CLK3: variants seen among roughly 807,000 people sequenced by gnomAD.
CLK3 encodes CDC like kinase 3, also known as dual specificity protein kinase CLK3.
In CLK3, 24 loss-of-function variants were observed where a neutral mutation model predicts 65.2. The ratio of observed to expected loss-of-function variants is 0.37; its 90% CI spans 0.27 to 0.52. The LOEUF is 0.52. Among genes scored for constraint, CLK3 ranks in the 20% least tolerant of loss-of-function variants. The pLI is 0.92. For synonymous variants in CLK3, 252 were observed against 240.8 expected (o/e 1.05, Z -0.43); for missense variants, 506 against 660.0 (o/e 0.77, Z 2.56).
intron 1 of CLK3, chr15:74,608,434 A>C (rs559956228): frequency 6.6e-6 from 1 of 152,430 alleles, no homozygotes; most frequent in South Asian, 2.1e-4. Flanking sequence ...CAGGTACAGC[A>C]TGGACCCCAG....
upstream of CLK3, chr15:74,615,784 G>A (rs1462276711): frequency 8.0e-7 from 1 of 1,243,558 alleles, no homozygotes; most frequent in South Asian, 3.4e-5. Context: ...CGAGGCTGGC[G>A]ACGGCTGCGT....
chr15:74,610,569 C>T (rs1479663406), intron 1 of CLK3, among the ~76,000 whole-genome samples: 4 of 152,252 alleles, frequency 2.6e-5, no homozygotes, highest in Non-Finnish European at 4.4e-5. Flanking sequence ...GGACCCATGC[C>T]CTGGCTTATA....
upstream of CLK3, chr15:74,613,295 T>TA (rs1409118328): frequency 2.0e-5 from 3 of 152,002 alleles, no homozygotes; most frequent in Non-Finnish European, 4.4e-5. Context: ...TGAGATATGC[T>TA]ACAGACCTCA....
Position 74,629,977 on chromosome 15 carries a change from CA to C in CLK3, c.*95del, listed in dbSNP as rs1034632334. On this transcript the variant is annotated 3_prime_UTR_variant, in exon 13 of 13. Coordinates refer to ENST00000395066, the MANE Select transcript of CLK3 (RefSeq NM_001130028.2). ...CGACCGCCAGGCCCCAGGCCAGAGC[CA>C]CCCAATGAACAGTGCAATGTGAAGG... is the stretch of plus-strand genomic sequence containing the variant. The C allele has an allele frequency of 2.0e-5, 26 of 1,270,560 alleles. No homozygotes were observed. Among genetic ancestry groups the C allele is most frequent in the Non-Finnish European group, 2.5e-5 (23 of 914,396 alleles). 78.7% of individuals were successfully genotyped at this position (1,270,560 alleles called of 1,614,324 possible).
rs368932022 is a variant in CLK3 at position 74,624,456 on chromosome 15, C to T, written c.534-446C>T. The T allele has an allele frequency of 5.8e-6, 1 of 171,076 alleles. No individual in the cohort carries two copies. Among genetic ancestry groups the T allele is most frequent in the African/African-American group, 2.4e-5 (1 of 42,320 alleles). 10.6% of individuals were successfully genotyped at this position (171,076 alleles called of 1,614,324 possible). ...CAGATCTTTACTCGATCCTGGAACC[C>T]CCATCCCTGTTTGCTCAGACTTGCA... On this transcript the variant is annotated intron_variant, in intron 5 of 12. Coordinates refer to ENST00000395066, the MANE Select transcript of CLK3 (RefSeq NM_001130028.2). The surrounding 1 kb of genome is among the most constrained non-coding windows in gnomAD (Gnocchi z 4.2).
chr15:74,624,532 AGCC>A lies in CLK3; in HGVS notation c.534-369_534-367del. The A allele has an allele frequency of 5.3e-6, 1 of 187,346 alleles. No individual in the cohort carries two copies. Among genetic ancestry groups the A allele is most frequent in the Non-Finnish European group, 1.1e-5 (1 of 92,486 alleles). The allele number at this position is 187,346 out of a possible 1,614,324, so 11.6% of individuals were successfully genotyped here. On this transcript the variant is annotated intron_variant, in intron 5 of 12. Coordinates refer to ENST00000395066, the MANE Select transcript of CLK3 (RefSeq NM_001130028.2). This position sits in a 1 kb window ranked among gnomAD's most constrained non-coding sequence, Gnocchi z 4.2. ...GCCGCAGGAGGGTTCTCGGTGGGACAGCCTGGCCAGGGTTGGGGCTGCCTGGCC... is the reference window on the plus strand; with the variant it reads ...GCCGCAGGAGGGTTCTCGGTGGGACATGGCCAGGGTTGGGGCTGCCTGGCC...
chr15:74,622,871 C>T lies in CLK3; in HGVS notation c.533+311C>T, dbSNP rs2062114582. ...TCAGAACAGGGCCAAGGCCCCGGCT[C>T]CCCTGTGGCTTGGAGCTGCTTCCTG... On this transcript the variant is annotated intron_variant, in intron 5 of 12. Transcript: ENST00000395066. The surrounding 1 kb of genome is among the most constrained non-coding windows in gnomAD (Gnocchi z 4.6). 6.6e-6 allele frequency among the ~76,000 whole-genome samples: 1 copy of T among 152,184 alleles called. No homozygotes were observed. The highest frequency in any genetic ancestry group is 2.1e-4 in the South Asian group (1 of 4,832).
At chr15:74,611,097 C>T (rs2141526154), upstream of CLK3, among the ~76,000 whole-genome samples, 1 of 152,290 alleles carries the variant, frequency 6.6e-6, no homozygotes, top group Admixed American at 6.5e-5. Flanking sequence ...GGACCCTGGC[C>T]CTTCCTTCAC....
At position 74,627,731 on chromosome 15, in the gene CLK3, A is replaced by T; in HGVS notation, c.1042+63A>T. On this transcript the variant is annotated intron_variant, in intron 9 of 12. Coordinates refer to ENST00000395066, the MANE Select transcript of CLK3 (RefSeq NM_001130028.2). This position sits in a 1 kb window ranked among gnomAD's most constrained non-coding sequence, Gnocchi z 4.3. Reference sequence around the variant, plus strand: ...ACTGTTGTTGGGAGGGTATGAGCAGAGGCAGTGGCATGCCTGTCATTCTCT... The same window carrying T: ...ACTGTTGTTGGGAGGGTATGAGCAGTGGCAGTGGCATGCCTGTCATTCTCT... 1 of 1,599,184 alleles carries T rather than the reference A, an allele frequency of 6.3e-7. No individual in the cohort carries two copies. The highest frequency in any genetic ancestry group is 2.2e-5 in the East Asian group (1 of 44,620).
chr15:74,616,376 C>T (rs2062060212), intron 1 of CLK3, among the ~76,000 whole-genome samples: 1 of 152,246 alleles, frequency 6.6e-6, no homozygotes. Flanking sequence ...GACTCTGAGA[C>T]CCCCTGGGAC....
intron 6 of CLK3, among the ~76,000 whole-genome samples, chr15:74,625,385 G>C (rs532135000): frequency 1.3e-5 from 2 of 152,166 alleles, no homozygotes; most frequent in Non-Finnish European, 2.9e-5. Context: ...GCTGAGCCTG[G>C]GCAGATGGGT....
At chr15:74,620,651 T>A (rs1048056661) in intron 3 of CLK3, 7 of 211,996 alleles carry the variant, frequency 3.3e-5, no homozygotes, top group Non-Finnish European at 5.8e-5. Flanking sequence ...TGCTCTGATG[T>A]GGACTGCACC....
At chr15:74,613,873 T>G (rs939806017), upstream of CLK3, among the ~76,000 whole-genome samples, 8 of 152,154 alleles carry the variant, frequency 5.3e-5, no homozygotes, top group South Asian at 2.1e-4. Context: ...ACCTGGCTAG[T>G]GTGGTCGAGG....
intron 1 of CLK3, 32 bp downstream of exon 1, chr15:74,615,930 A>AGCGGCG (rs550921975): frequency 8.1e-7 from 1 of 1,235,048 alleles, no homozygotes; most frequent in East Asian, 3.1e-5. Flanking sequence ...CGGCGGCGAC[A>AGCGGCG]GCGGCGGCGG....
At chr15:74,614,897 T>A (rs1423307517), upstream of CLK3, 1 of 152,378 alleles carries the variant, frequency 6.6e-6, no homozygotes, top group Non-Finnish European at 1.5e-5. Flanking sequence ...CCACGCCCTG[T>A]CGCTTCACTG....
Position 74,622,089 on chromosome 15 carries a change from C to A in CLK3, c.370-31C>A. 6.2e-7 allele frequency: 1 copy of A among 1,604,336 alleles called. No individual in the cohort carries two copies. The highest frequency in any genetic ancestry group is 1.1e-5 in the South Asian group (1 of 90,814). On this transcript the variant is annotated intron_variant, in intron 3 of 12. Coordinates refer to ENST00000395066, the MANE Select transcript of CLK3 (RefSeq NM_001130028.2). The surrounding 1 kb of genome is among the most constrained non-coding windows in gnomAD (Gnocchi z 4.6). ...CGGAACCGCCTACCATGCGATTGGT[C>A]GGATGGCGTTTCGGGGGGCGGTGCA...
upstream of CLK3, chr15:74,615,695 C>G: frequency 4.8e-6 from 6 of 1,238,676 alleles, no homozygotes; most frequent in Non-Finnish European, 6.1e-6. Context: ...CCGCGGCGCC[C>G]GCCGGAGCGG....
chr15:74,629,727 C>A lies in CLK3; in HGVS notation c.1317C>A (p.Ser439=). 2 of 1,613,132 alleles carry A rather than the reference C, an allele frequency of 1.2e-6. No individual in the cohort carries two copies. The highest frequency in any genetic ancestry group is 1.7e-6 in the Non-Finnish European group (2 of 1,179,580). ...AGCAGAGTTACATGCTCCAAGACTCCCTGGAGCACGTGCAGCTGTTTGACC... is the reference window on the plus strand; with the variant it reads ...AGCAGAGTTACATGCTCCAAGACTCACTGGAGCACGTGCAGCTGTTTGACC... ...KPLKSYMLQD[S]LEHVQLFDLM... The change falls in exon 13 of 13, where the codon TCC becomes TCA. Residue 439 remains serine (S), a synonymous_variant. Coordinates refer to ENST00000395066, the MANE Select transcript of CLK3 (RefSeq NM_001130028.2).
Position 74,624,546 on chromosome 15 carries a change from T to TAAAAAA in CLK3, c.534-356_534-355insAAAAAA. 4.9e-6 allele frequency: 1 copy of TAAAAAA among 203,948 alleles called. No individual in the cohort carries two copies. The highest frequency in any genetic ancestry group is 9.7e-6 in the Non-Finnish European group (1 of 103,478). 12.6% of individuals were successfully genotyped at this position (203,948 alleles called of 1,614,324 possible). A position where few individuals can be genotyped will look rare whatever the true frequency, so the allele number is the denominator to read the frequency against. ...CTCGGTGGGACAGCCTGGCCAGGGT[T>TAAAAAA]GGGGCTGCCTGGCCTATAGGTTAGG... On this transcript the variant is annotated intron_variant, in intron 5 of 12. Coordinates refer to ENST00000395066, the MANE Select transcript of CLK3 (RefSeq NM_001130028.2). This position sits in a 1 kb window ranked among gnomAD's most constrained non-coding sequence, Gnocchi z 4.2.
Sources: allele counts gnomAD v4.1 joint callset (sites outside exome capture counted in the v4.1 genomes callset), GRCh38; gene constraint gnomAD v4.1.1; non-coding constraint Gnocchi (gnomAD v3.1); transcripts MANE v1.5; gene names NCBI Gene and HGNC (gene_info 2026-07-23, HGNC 2026-07-21).